Variants in ATG10 observed in about 807,000 individuals in gnomAD.
ATG10 encodes autophagy related 10.
Under a neutral mutation model 32.1 loss-of-function variants are expected in ATG10, and 30 were observed. The observed-to-expected ratio is 0.94, with a 90% CI of 0.70 to 1.27. ATG10 has a LOEUF of 1.27. ATG10 is among the 50% of genes most tolerant of loss of function. ATG10 has a pLI of 0.00. For synonymous variants in ATG10, 87 were observed against 91.5 expected (o/e 0.95, Z 0.28); for missense variants, 233 against 262.3 (o/e 0.89, Z 0.77).
chr5:82,176,830 C>T (rs1744048515), intron 4 of ATG10, among the ~76,000 whole-genome samples: 2 of 152,006 alleles, frequency 1.3e-5, no homozygotes, highest in Non-Finnish European at 2.9e-5. Context: ...CTATTTATCA[C>T]AAGATAATGG....
At chr5:82,124,831 G>C (rs1434053798) in intron 3 of ATG10, among the ~76,000 whole-genome samples, 2 of 152,110 alleles carry the variant, frequency 1.3e-5, no homozygotes, top group Admixed American at 6.5e-5. Flanking sequence ...GGGTCAAACA[G>C]TATTTCTGGT....
At chr5:81,998,286 C>T (rs1380648326) in intron 2 of ATG10, among the ~76,000 whole-genome samples, 2 of 152,108 alleles carry the variant, frequency 1.3e-5, no homozygotes, top group African/African-American at 4.8e-5. Flanking sequence ...TTCAGCCAAA[C>T]TAAGTTTCAT....
intron 3 of ATG10, among the ~76,000 whole-genome samples, chr5:82,061,779 C>CAT (rs10656029): frequency 0.012 from 1,619 of 135,342 alleles, 12 homozygotes; most frequent in African/African-American, 0.03. Flanking sequence ...TACATGTACA[C>CAT]ATATATATAT....
intron 3 of ATG10, among the ~76,000 whole-genome samples, chr5:82,085,291 A>G (rs571144085): frequency 6.6e-6 from 1 of 152,228 alleles, no homozygotes; most frequent in East Asian, 1.9e-4. Flanking sequence ...ACACTCCTAT[A>G]TATATATGCA....
intron 1 of ATG10, among the ~76,000 whole-genome samples, chr5:81,985,527 A>G (rs1761236452): frequency 6.7e-6 from 1 of 150,220 alleles, no homozygotes; most frequent in African/African-American, 2.4e-5. Context: ...CAAACTCAAT[A>G]TGGCCAAATT....
intron 2 of ATG10, among the ~76,000 whole-genome samples, chr5:82,050,560 T>A (rs1219106988): frequency 6.6e-6 from 1 of 151,806 alleles, no homozygotes; most frequent in Admixed American, 6.6e-5. Flanking sequence ...ATATAATGAG[T>A]CTGTTTAAAT....
intron 3 of ATG10, among the ~76,000 whole-genome samples, chr5:82,106,677 T>C (rs770925874): frequency 7.9e-5 from 12 of 152,072 alleles, no homozygotes; most frequent in Non-Finnish European, 1.8e-4. Flanking sequence ...TATGGTATCA[T>C]TTTCTTAACA....
At chr5:82,225,524 T>C (rs1218431750) in intron 5 of ATG10, among the ~76,000 whole-genome samples, 3 of 152,194 alleles carry the variant, frequency 2.0e-5, no homozygotes, top group Non-Finnish European at 2.9e-5. Context: ...TCCAAGTCCA[T>C]CTAGCTGCTG....
At chr5:82,133,285 G>A (rs553197935) in intron 3 of ATG10, among the ~76,000 whole-genome samples, 1 of 152,116 alleles carries the variant, frequency 6.6e-6, no homozygotes, top group South Asian at 2.1e-4. Flanking sequence ...CATTGCTTTT[G>A]GTGTTTTAGT....
chr5:82,059,573 T>C (rs1175207653), intron 3 of ATG10, among the ~76,000 whole-genome samples: 1 of 152,190 alleles, frequency 6.6e-6, no homozygotes, highest in Non-Finnish European at 1.5e-5. Flanking sequence ...TGAAAGAGGA[T>C]TGGTGAGGAC....
intron 3 of ATG10, among the ~76,000 whole-genome samples, chr5:82,118,028 T>C (rs923139948): frequency 2.0e-5 from 3 of 151,944 alleles, no homozygotes; most frequent in East Asian, 1.9e-4. Context: ...AAGCCTTGTA[T>C]TGAGCAAGAC....
chr5:82,139,924 A>G (rs1423062995), intron 3 of ATG10, among the ~76,000 whole-genome samples: 107 of 96,038 alleles, frequency 1.1e-3, no homozygotes, highest in South Asian at 4.3e-3. Flanking sequence ...CAGCCGCCCC[A>G]TCCGGGAGGG....
At chr5:82,123,868 C>T (rs1766144648) in intron 3 of ATG10, among the ~76,000 whole-genome samples, 1 of 151,328 alleles carries the variant, frequency 6.6e-6, no homozygotes. Context: ...CCTAGGAGGT[C>T]GAGGCTGTGA....
chr5:82,030,155 G>A (rs1484421416), intron 2 of ATG10, among the ~76,000 whole-genome samples: 3 of 152,046 alleles, frequency 2.0e-5, no homozygotes, highest in Non-Finnish European at 4.4e-5. Flanking sequence ...GCCTCTTCAC[G>A]GACTGTGACT....
chr5:82,123,372 G>A (rs1766125004), intron 3 of ATG10, among the ~76,000 whole-genome samples: 1 of 152,162 alleles, frequency 6.6e-6, no homozygotes, highest in Admixed American at 6.5e-5. Flanking sequence ...CTTGAGGGTG[G>A]AGGGTGAAAA....
At chr5:82,114,429 G>A (rs1448537490) in intron 3 of ATG10, among the ~76,000 whole-genome samples, 4 of 151,946 alleles carry the variant, frequency 2.6e-5, no homozygotes, top group South Asian at 2.1e-4. Context: ...TATACTATGC[G>A]TACTAAACCA....
intron 2 of ATG10, among the ~76,000 whole-genome samples, chr5:82,004,163 A>T (rs1761926793): frequency 6.6e-6 from 1 of 152,202 alleles, no homozygotes; most frequent in Admixed American, 6.5e-5. Flanking sequence ...TGGTAAAATT[A>T]AAAAATTATC....
At chr5:82,109,954 C>A (rs1453979571) in intron 3 of ATG10, among the ~76,000 whole-genome samples, 8 of 150,374 alleles carry the variant, frequency 5.3e-5, no homozygotes, top group African/African-American at 1.7e-4. Flanking sequence ...CCCCCATCCC[C>A]CCACCCCACA....
At chr5:82,138,333 T>C (rs960096562) in intron 3 of ATG10, among the ~76,000 whole-genome samples, 10 of 152,222 alleles carry the variant, frequency 6.6e-5, no homozygotes, top group African/African-American at 2.4e-4. Flanking sequence ...TGTTTTGTGC[T>C]TCAAACCCAG....
Sources: gnomAD v4.1 joint callset for allele counts (sites outside exome capture counted in the v4.1 genomes callset) on GRCh38, gnomAD v4.1.1 for gene constraint, MANE v1.5 for transcripts, NCBI Gene and HGNC (gene_info 2026-07-23, HGNC 2026-07-21) for gene names.